Variants in CACNA2D3 observed in about 807,000 individuals in gnomAD.
The protein encoded by CACNA2D3 is voltage-dependent calcium channel subunit alpha-2/delta-3.
Under a neutral mutation model 160.6 loss-of-function variants are expected in CACNA2D3, and 60 were observed. The ratio of observed to expected loss-of-function variants is 0.37; its 90% CI spans 0.30 to 0.46. The LOEUF is 0.46. Ranked by LOEUF, CACNA2D3 falls within the 20% of genes least tolerant of loss-of-function variation. CACNA2D3 has a pLI of 1.00. For synonymous variants in CACNA2D3, 558 were observed against 492.9 expected, an observed-to-expected ratio of 1.13 and a Z score of -1.75; for missense variants, 1,205 against 1,365.0, an observed-to-expected ratio of 0.88 and a Z score of 1.85.
At chr3:54,235,966 AT>A (rs1024434304) in intron 2 of CACNA2D3, among the ~76,000 whole-genome samples, 4 of 152,206 alleles carry the variant, frequency 2.6e-5, no homozygotes, top group African/African-American at 9.6e-5. Flanking sequence ...CAGAGTTAAC[AT>A]TTATAGTGAG....
In CACNA2D3 at chr3:54,199,462, C is replaced by G. The variant is rs534329628; in HGVS notation, c.204+75868C>G. ...CACTGCAACCCCTACGTGCCAGGCT[C>G]AAGCGATCCCCAGCCTCCTGAGTAG... On this transcript the variant is annotated intron_variant, in intron 2 of 37. Transcript: ENST00000474759. 8.3e-4 allele frequency among the ~76,000 whole-genome samples: 126 copies of G among 152,250 alleles called. 1 individual carries two copies. The highest frequency in any genetic ancestry group is 2.9e-3 in the African/African-American group (120 of 41,546).
At chr3:54,158,941 A>G (rs1395853151) in intron 2 of CACNA2D3, among the ~76,000 whole-genome samples, 3 of 152,192 alleles carry the variant, frequency 2.0e-5, no homozygotes, top group African/African-American at 7.2e-5. Context: ...TACTTTGGCC[A>G]GTGGATTATG....
At chr3:54,141,836 C>A (rs145973519) in intron 2 of CACNA2D3, among the ~76,000 whole-genome samples, 2 of 152,304 alleles carry the variant, frequency 1.3e-5, no homozygotes, top group African/African-American at 4.8e-5. Context: ...TTTATTCATT[C>A]GTTTATTCAA....
intron 34 of CACNA2D3, among the ~76,000 whole-genome samples, chr3:55,010,411 TAAAAG>T (rs937547833): frequency 2.6e-5 from 4 of 151,986 alleles, no homozygotes; most frequent in African/African-American, 7.3e-5. Flanking sequence ...AATAAATAAA[TAAAAG>T]AAAGAGTATC....
intron 11 of CACNA2D3, among the ~76,000 whole-genome samples, chr3:54,704,368 G>A (rs1322615215): frequency 6.6e-6 from 1 of 152,184 alleles, no homozygotes; most frequent in Non-Finnish European, 1.5e-5. Context: ...ATTTTTAACT[G>A]ACTTGTAAGG....
intron 11 of CACNA2D3, 115 bp downstream of exon 11, chr3:54,642,356 G>T (rs921176987): frequency 5.5e-6 from 3 of 540,774 alleles, no homozygotes; most frequent in Admixed American, 4.1e-5. Flanking sequence ...ATGATCTGTG[G>T]TTTCTCAGCC....
At chr3:54,777,743 C>T (rs545099893) in intron 13 of CACNA2D3, among the ~76,000 whole-genome samples, 1 of 152,086 alleles carries the variant, frequency 6.6e-6, no homozygotes, top group Non-Finnish European at 1.5e-5. Flanking sequence ...ATGGAAAGAG[C>T]CTTCCTTTGA....
chr3:54,382,582 A>G (rs890987091), intron 3 of CACNA2D3, among the ~76,000 whole-genome samples: 6 of 152,244 alleles, frequency 3.9e-5, no homozygotes, highest in Admixed American at 3.9e-4. Flanking sequence ...CAGGAGTTCG[A>G]GACCAGCCTA....
intron 35 of CACNA2D3, among the ~76,000 whole-genome samples, chr3:55,056,146 C>A (rs1704354835): frequency 6.6e-6 from 1 of 152,018 alleles, no homozygotes; most frequent in African/African-American, 2.4e-5. Context: ...GGACAAGGGA[C>A]CTGAATCAAC....
intron 4 of CACNA2D3, among the ~76,000 whole-genome samples, chr3:54,472,811 T>G (rs1288673092): frequency 6.6e-6 from 1 of 152,076 alleles, no homozygotes; most frequent in Non-Finnish European, 1.5e-5. Context: ...ATAAAACACC[T>G]AGGTATACGA....
chr3:54,733,836 A>G (rs1437803373), intron 11 of CACNA2D3, among the ~76,000 whole-genome samples: 1 of 152,220 alleles, frequency 6.6e-6, no homozygotes, highest in Non-Finnish European at 1.5e-5. Context: ...CTGAACTGTC[A>G]AGATAAAGGA....
At chr3:54,915,829 A>G (rs879511673) in intron 27 of CACNA2D3, among the ~76,000 whole-genome samples, 2 of 152,244 alleles carry the variant, frequency 1.3e-5, no homozygotes, top group African/African-American at 4.8e-5. Flanking sequence ...AAATCTGAAT[A>G]TAAGTATGCA....
intron 14 of CACNA2D3, among the ~76,000 whole-genome samples, chr3:54,831,730 A>G (rs1172292937): frequency 6.6e-6 from 1 of 151,948 alleles, no homozygotes; most frequent in East Asian, 1.9e-4. Context: ...GGCCTCAGAA[A>G]TTTCTCCTTT....
intron 8 of CACNA2D3, among the ~76,000 whole-genome samples, chr3:54,572,962 T>C (rs1055641279): frequency 1.4e-4 from 21 of 152,218 alleles, no homozygotes; most frequent in African/African-American, 4.1e-4. Context: ...CATTAAGATA[T>C]ACAAACAGTG....
At chr3:54,200,621 C>T (rs553802478) in intron 2 of CACNA2D3, among the ~76,000 whole-genome samples, 1 of 152,210 alleles carries the variant, frequency 6.6e-6, no homozygotes, top group Non-Finnish European at 1.5e-5. Flanking sequence ...AGGAAAGCAT[C>T]AAGGTAAAAT....
chr3:54,819,010 A>G (rs1442622924), intron 14 of CACNA2D3, among the ~76,000 whole-genome samples: 1 of 152,160 alleles, frequency 6.6e-6, no homozygotes, highest in Non-Finnish European at 1.5e-5. Context: ...AAAGGCTGCA[A>G]GTCTCCACCT....
At chr3:54,270,205 A>G (rs1205418257) in intron 2 of CACNA2D3, among the ~76,000 whole-genome samples, 5 of 152,254 alleles carry the variant, frequency 3.3e-5, no homozygotes, top group African/African-American at 7.2e-5. Context: ...ATTTGTAAAT[A>G]TAAAAGAGAA....
chr3:54,717,552 TGTGTG>T (rs1246218611), intron 11 of CACNA2D3, among the ~76,000 whole-genome samples: 2 of 7,344 alleles, frequency 2.7e-4, no homozygotes, highest in Non-Finnish European at 1.1e-3. Flanking sequence ...GCATGTGTGG[TGTGTG>T]TGTGTGTGTG....
chr3:54,802,621 G>T (rs1250874173), intron 13 of CACNA2D3, among the ~76,000 whole-genome samples: 1 of 152,108 alleles, frequency 6.6e-6, no homozygotes, highest in Admixed American at 6.5e-5. Context: ...GTAGTCCTCT[G>T]GGGGCAGGGC....
Sources: allele counts gnomAD v4.1 joint callset (sites outside exome capture counted in the v4.1 genomes callset), GRCh38; gene constraint gnomAD v4.1.1; transcripts MANE v1.5; gene names NCBI Gene and HGNC (gene_info 2026-07-23, HGNC 2026-07-21).